The following FOCAD variants were observed in gnomAD, a reference collection of about 807,000 sequenced individuals.
The protein encoded by FOCAD is KIAA1797.
FOCAD carries 198 observed loss-of-function variants against 225.6 expected under a neutral mutation model. That is an observed-to-expected ratio of 0.88 (90% CI 0.78 to 0.99). The LOEUF is 0.99. Ranked by LOEUF, FOCAD falls within the 50% of genes least tolerant of loss-of-function variation. The probability of loss-of-function intolerance (pLI) is 0.00; values close to 1 mark genes in which losing one functional copy is unlikely to be tolerated. For missense variants in FOCAD, 2,713 were observed against 2,123.6 expected, an observed-to-expected ratio of 1.28 and a Z score of -5.46; for synonymous variants, 897 against 755.0, an observed-to-expected ratio of 1.19 and a Z score of -3.08.
At chr9:20,687,247 T>C (rs756279239) in intron 1 of FOCAD, among the ~76,000 whole-genome samples, 1 of 152,192 alleles carries the variant, frequency 6.6e-6, no homozygotes, top group African/African-American at 2.4e-5. Flanking sequence ...TACTATTATT[T>C]AAAGATTTAT....
chr9:20,787,905 AGCTTCCT>A (rs1391014155), intron 10 of FOCAD, among the ~76,000 whole-genome samples: 1 of 152,196 alleles, frequency 6.6e-6, no homozygotes, highest in Non-Finnish European at 1.5e-5. Flanking sequence ...ATACAGTGAG[AGCTTCCT>A]CATTTGTTTT....
chr9:20,896,074 A>C (rs947557849), intron 21 of FOCAD, among the ~76,000 whole-genome samples: 1 of 151,738 alleles, frequency 6.6e-6, no homozygotes, highest in Non-Finnish European at 1.5e-5. Context: ...TATCATGAAA[A>C]ACTGTTCGAT....
chr9:20,745,825 C>T (rs1039967649), intron 5 of FOCAD, among the ~76,000 whole-genome samples: 3 of 152,140 alleles, frequency 2.0e-5, no homozygotes, highest in Admixed American at 6.5e-5. Flanking sequence ...ATGTTCGTGG[C>T]AGATGGTGTG....
upstream of FOCAD, among the ~76,000 whole-genome samples, chr9:20,656,338 C>T (rs1240920626): frequency 6.6e-6 from 1 of 151,748 alleles, no homozygotes; most frequent in Non-Finnish European, 1.5e-5. Context: ...TCCTTGTTGA[C>T]TTTCTGTCTC....
At chr9:20,894,991 A>C (rs1831954729) in intron 21 of FOCAD, among the ~76,000 whole-genome samples, 1 of 151,986 alleles carries the variant, frequency 6.6e-6, no homozygotes, top group South Asian at 2.1e-4. Context: ...ATTTTGAGTT[A>C]ATTTTTATGA....
chr9:20,741,256 G>A (rs544099972), intron 5 of FOCAD, among the ~76,000 whole-genome samples: 15 of 152,274 alleles, frequency 9.9e-5, no homozygotes, highest in Non-Finnish European at 1.9e-4. Context: ...ACAGGTATCA[G>A]AAGTGTGAGA....
chr9:20,716,410 C>T (rs1825340619), intron 2 of FOCAD, among the ~76,000 whole-genome samples: 2 of 151,924 alleles, frequency 1.3e-5, no homozygotes, highest in Admixed American at 6.6e-5. Flanking sequence ...ACTTAAGTAG[C>T]AATGTAGGCT....
chr9:20,727,801 C>T (rs754729524), intron 4 of FOCAD, among the ~76,000 whole-genome samples: 1 of 152,184 alleles, frequency 6.6e-6, no homozygotes, highest in Non-Finnish European at 1.5e-5. Flanking sequence ...CACATTTGTT[C>T]CCATGACACC....
At position 20,785,140 on chromosome 9, in the gene FOCAD, T is replaced by C. The variant is rs561875597; in HGVS notation, c.1197+3211T>C. 1.8e-3 allele frequency among the ~76,000 whole-genome samples: 278 copies of C among 152,302 alleles called. 1 individual carries two copies. The highest frequency in any genetic ancestry group is 6.2e-3 in the African/African-American group (259 of 41,564). ...ACACTCTTTGAAGTAGGTAAAATTA[T>C]TGATCTCATTTTACCTAAGAGTTAA... On this transcript the variant is annotated intron_variant, in intron 10 of 43. Transcript: ENST00000338382.
intron 42 of FOCAD, among the ~76,000 whole-genome samples, chr9:20,992,351 G>A (rs764688783): frequency 6.6e-5 from 10 of 152,046 alleles, no homozygotes; most frequent in Non-Finnish European, 7.4e-5. Context: ...ATCCATTTGG[G>A]CACAACTGTT....
At position 20,822,989 on chromosome 9, in the gene FOCAD, G is replaced by A. The variant is rs760612102; in HGVS notation, c.1794G>A (p.Arg598=). ...GCTTTTAAACTTTCATTTCTTGTAG[G>A]CCATATCAACATGGTGCAGATATGT... ...AASIRDICKQ[R]PYQHGADMLA... Residue 598 remains arginine (R), a splice_region_variant and synonymous_variant, in exon 15 of 44, where the codon AGG becomes AGA. Transcript: ENST00000338382. The A allele has an allele frequency of 2.1e-5, 34 of 1,588,050 alleles. No homozygotes were observed. The highest frequency in any genetic ancestry group is 2.9e-5 in the Non-Finnish European group (34 of 1,171,270).
At chr9:20,815,466 A>G (rs1315414424) in intron 11 of FOCAD, among the ~76,000 whole-genome samples, 4 of 151,810 alleles carry the variant, frequency 2.6e-5, no homozygotes, top group African/African-American at 9.7e-5. Context: ...TTTGAAGGAT[A>G]GTTTTACCAG....
intron 2 of FOCAD, among the ~76,000 whole-genome samples, chr9:20,675,431 G>A (rs1364237463): frequency 6.6e-6 from 1 of 152,202 alleles, no homozygotes; most frequent in East Asian, 1.9e-4. Flanking sequence ...GGATGACAAA[G>A]TATGTGTTTA....
chr9:20,852,125 A>C (rs1827720612), intron 15 of FOCAD, among the ~76,000 whole-genome samples: 1 of 151,788 alleles, frequency 6.6e-6, no homozygotes, highest in Non-Finnish European at 1.5e-5. Context: ...TTGGGTGGAA[A>C]AATCTTGTTT....
intron 35 of FOCAD, among the ~76,000 whole-genome samples, chr9:20,967,638 C>T (rs1839385402): frequency 2.0e-5 from 3 of 152,062 alleles, no homozygotes; most frequent in Admixed American, 2.0e-4. Flanking sequence ...GAGTTTTTCA[C>T]AGTTTTTCTT....
intron 4 of FOCAD, among the ~76,000 whole-genome samples, chr9:20,724,072 A>C (rs1370374567): frequency 1.3e-5 from 2 of 152,234 alleles, no homozygotes; most frequent in African/African-American, 4.8e-5. Context: ...GGATGGTAGT[A>C]AATCATTCAT....
chr9:20,884,184 C>G (rs1271209295), intron 20 of FOCAD, among the ~76,000 whole-genome samples: 4 of 152,122 alleles, frequency 2.6e-5, no homozygotes, highest in African/African-American at 9.7e-5. Flanking sequence ...TCAAGACTTG[C>G]AAATTTGTTC....
In FOCAD at chr9:20,722,374, G is replaced by A. The variant is rs371540178; in HGVS notation, c.287+1840G>A. ...CTTGTGTGTGTTCCACACCAGCATG[G>A]CATGCTCCTTCCCCTTCTCTGTCTG... On this transcript the variant is annotated intron_variant, in intron 4 of 43. Transcript: ENST00000338382. Among the ~76,000 whole-genome samples, 10 of 152,252 alleles carry A rather than the reference G, an allele frequency of 6.6e-5. No individual in the cohort carries two copies. The South Asian group carries it at 1.0e-3, about 16-fold the overall frequency.
intron 15 of FOCAD, among the ~76,000 whole-genome samples, chr9:20,843,494 G>A (rs1026688919): frequency 1.3e-5 from 2 of 151,962 alleles, no homozygotes; most frequent in Non-Finnish European, 2.9e-5. Context: ...GATTTTATAT[G>A]TTATTTGTTT....
Sources: gnomAD v4.1 joint callset for allele counts (sites outside exome capture counted in the v4.1 genomes callset) on GRCh38, gnomAD v4.1.1 for gene constraint, MANE v1.5 for transcripts, NCBI Gene and HGNC (gene_info 2026-07-23, HGNC 2026-07-21) for gene names.